The following ANKRD28 variants were observed in gnomAD, a reference collection of about 807,000 sequenced individuals.
The protein encoded by ANKRD28 is ankyrin repeat domain 28.
In ANKRD28, 44 loss-of-function variants were observed where a neutral mutation model predicts 126.5. The ratio of observed to expected loss-of-function variants is 0.35; its 90% CI spans 0.27 to 0.45. The LOEUF (loss-of-function observed/expected upper bound fraction) is 0.45, where lower values mean the gene tolerates loss of function less well. Ranked by LOEUF, ANKRD28 falls within the 20% of genes least tolerant of loss-of-function variation. ANKRD28 has a pLI of 1.00. For synonymous variants in ANKRD28, 442 were observed against 468.5 expected (o/e 0.94, Z 0.73); for missense variants, 1,110 against 1,316.6 (o/e 0.84, Z 2.43).
intron 27 of ANKRD28, 56 bp from the exon 28 acceptor site, chr3:15,670,612 G>C: frequency 1.3e-6 from 2 of 1,529,786 alleles, no homozygotes; most frequent in Non-Finnish European, 1.8e-6. Flanking sequence ...TTTCACCAAA[G>C]ACAAGGAAAT....
At chr3:15,714,424 T>G (rs2072735937) in intron 9 of ANKRD28, among the ~76,000 whole-genome samples, 154 bp downstream of exon 9, 1 of 151,848 alleles carries the variant, frequency 6.6e-6, no homozygotes, top group South Asian at 2.1e-4. Flanking sequence ...TTTTATACTC[T>G]TTAATATTTT....
chr3:15,701,575 C>T (rs575755870), intron 14 of ANKRD28, among the ~76,000 whole-genome samples: 38 of 151,996 alleles, frequency 2.5e-4, no homozygotes, highest in South Asian at 6.2e-4. Context: ...ACCCAGGAGG[C>T]GGAGGTTGCA....
Position 15,853,780 on chromosome 3 carries a change from G to C in ANKRD28, c.27+5597C>G, listed in dbSNP as rs993026774. Among the ~76,000 whole-genome samples the C allele has an allele frequency of 6.6e-6, 1 of 151,952 alleles. No homozygotes were observed. The highest frequency in any genetic ancestry group is 1.5e-5 in the Non-Finnish European group (1 of 67,974). On this transcript the variant is annotated intron_variant, in intron 1 of 27. Transcript: ENST00000399451. The surrounding 1 kb of genome is among the most constrained non-coding windows in gnomAD (Gnocchi z 4.2). ...CACCGCGCCCGGCCCTAAAATCAATGTTTAATTGTATTTTCATAATGTTGA... is the reference window on the plus strand; with the variant it reads ...CACCGCGCCCGGCCCTAAAATCAATCTTTAATTGTATTTTCATAATGTTGA...
chr3:15,735,790 T>C (rs780781704), intron 5 of ANKRD28, among the ~76,000 whole-genome samples: 9 of 152,314 alleles, frequency 5.9e-5, no homozygotes, highest in Non-Finnish European at 1.3e-4. Flanking sequence ...GACTGAAATA[T>C]TTAATAAGAG....
chr3:15,749,094 T>TG (rs2057683994), intron 4 of ANKRD28, among the ~76,000 whole-genome samples: 1 of 67,130 alleles, frequency 1.5e-5, no homozygotes, highest in South Asian at 6.6e-4. Flanking sequence ...TTCTATATTA[T>TG]GTTTTTGTTT....
intron 2 of ANKRD28, among the ~76,000 whole-genome samples, chr3:15,793,309 A>G (rs983222484): frequency 6.6e-6 from 1 of 152,214 alleles, no homozygotes; most frequent in African/African-American, 2.4e-5. Flanking sequence ...CTTGACTTTA[A>G]GGCAACACTC....
Position 15,751,770 on chromosome 3 carries a change from C to G in ANKRD28, c.331G>C (p.Ala111Pro). 6.3e-7 allele frequency: 1 copy of G among 1,588,508 alleles called. No homozygotes were observed. Among genetic ancestry groups the G allele is most frequent in the Non-Finnish European group, 8.6e-7 (1 of 1,167,008 alleles). The change falls in exon 4 of 28, where the codon GCA becomes CCA. Residue 111 changes from alanine (A) to proline (P), a missense_variant. Coordinates refer to ENST00000683139, the MANE Select transcript of ANKRD28 (RefSeq NM_001349278.2). Reference protein sequence around the residue: ...DSKWLTPLHRAVASCSEEAVQ... With the variant: ...DSKWLTPLHRPVASCSEEAVQ... ...CATACCTCACTACAAGATGCAACTGCTCTGTGTAAAGGTGTCAACCATTTG... is the reference window on the plus strand; with the variant it reads ...CATACCTCACTACAAGATGCAACTGGTCTGTGTAAAGGTGTCAACCATTTG...
rs143636497 is a variant in ANKRD28, at chr3:15,804,366, A to T, written c.28-9060T>A. Among the ~76,000 whole-genome samples the T allele has an allele frequency of 5.1e-3, 726 of 143,062 alleles. 104 individuals carry two copies. The highest frequency in any genetic ancestry group is 0.041 in the East Asian group (137 of 3,308). The allele number at this position is 143,062 out of a possible 152,430, so 93.9% of individuals were successfully genotyped here. A position where few individuals can be genotyped will look rare whatever the true frequency, so the allele number is the denominator to read the frequency against. ...GATACCTTCTAACTGTCCATTCTCT[A>T]AAAAAATGGATATTTTAATAAAACT... On this transcript the variant is annotated intron_variant, in intron 1 of 27. Coordinates refer to the ANKRD28 transcript ENST00000399451.
At chr3:15,727,587 A>AG (rs1553609263) in intron 6 of ANKRD28, among the ~76,000 whole-genome samples, 46 of 110,358 alleles carry the variant, frequency 4.2e-4, no homozygotes, top group African/African-American at 9.8e-4. Context: ...AAAAAAAAAA[A>AG]AAAGAAAGAA....
rs1455598240 is a variant in ANKRD28, at chr3:15,850,202, A to ATATATAT, written c.27+9174_27+9175insATATATA. On this transcript the variant is annotated intron_variant, in intron 1 of 27. Transcript: ENST00000399451. ...TATCTACATGCAATAAAAAAAAAAA[A>ATATATAT]AAATATATATATATATATATATAGA... is the stretch of plus-strand genomic sequence containing the variant. Among the ~76,000 whole-genome samples the ATATATAT allele has an allele frequency of 2.8e-3, 152 of 55,030 alleles. 3 individuals are homozygous for ATATATAT. The highest frequency in any genetic ancestry group is 9.7e-3 in the East Asian group (25 of 2,572). 36.1% of individuals were successfully genotyped at this position (55,030 alleles called of 152,430 possible). A position where few individuals can be genotyped will look rare whatever the true frequency, so the allele number is the denominator to read the frequency against.
intron 8 of ANKRD28, among the ~76,000 whole-genome samples, chr3:15,717,674 A>G (rs1389464229): frequency 6.6e-6 from 1 of 152,196 alleles, no homozygotes; most frequent in Non-Finnish European, 1.5e-5. Context: ...CATTTGGTGT[A>G]TTTTGCTTAG....
chr3:15,821,228 G>A (rs2060935273), intron 1 of ANKRD28, among the ~76,000 whole-genome samples: 2 of 152,140 alleles, frequency 1.3e-5, no homozygotes, highest in Non-Finnish European at 2.9e-5. Context: ...TTCTTAGAAT[G>A]GTGAGCTTAC....
chr3:15,672,304 C>T (rs193095838), intron 27 of ANKRD28, among the ~76,000 whole-genome samples: 19 of 152,110 alleles, frequency 1.2e-4, no homozygotes, highest in Non-Finnish European at 1.9e-4. Flanking sequence ...CCATGCCTGG[C>T]TAATTTTTAA....
At chr3:15,775,934 G>A (rs994970993) in intron 2 of ANKRD28, among the ~76,000 whole-genome samples, 1 of 152,110 alleles carries the variant, frequency 6.6e-6, no homozygotes, top group Admixed American at 6.6e-5. Flanking sequence ...GGGGTGGGGG[G>A]CTTGAAAAGT....
At chr3:15,787,118 A>C (rs1271516345) in intron 2 of ANKRD28, among the ~76,000 whole-genome samples, 1 of 152,142 alleles carries the variant, frequency 6.6e-6, no homozygotes, top group Non-Finnish European at 1.5e-5. Flanking sequence ...AGAATGAGGA[A>C]AGTCTCTATA....
intron 3 of ANKRD28, among the ~76,000 whole-genome samples, chr3:15,761,286 G>A (rs987794880): frequency 1.3e-5 from 2 of 152,124 alleles, no homozygotes; most frequent in Admixed American, 6.6e-5. Context: ...AACATGAAGT[G>A]TAAACACCTA....
rs78189554 is a variant in ANKRD28, at chr3:15,797,222, A to C, written c.-701T>G. On this transcript the variant is annotated 5_prime_UTR_variant, in exon 1 of 28. Transcript: ENST00000683139. ...AAAAAACAAAAACAAAAAAAAAAAA[A>C]CCACTCTGCATTAATAGCAAAGCTG... is the stretch of plus-strand genomic sequence containing the variant. 5 of 809,302 alleles carry C rather than the reference A, an allele frequency of 6.2e-6. No individual in the cohort carries two copies. Among genetic ancestry groups the C allele is most frequent in the Middle Eastern group, 6.1e-4 (1 of 1,648 alleles). 50.1% of individuals were successfully genotyped at this position (809,302 alleles called of 1,614,324 possible).
At chr3:15,718,168 G>T (rs1265559994) in intron 8 of ANKRD28, among the ~76,000 whole-genome samples, 2 of 152,198 alleles carry the variant, frequency 1.3e-5, no homozygotes, top group Admixed American at 6.5e-5. Flanking sequence ...CATATTGTGT[G>T]TAAGAGCTGG....
At chr3:15,734,125 A>G (rs1434562670) in intron 6 of ANKRD28, among the ~76,000 whole-genome samples, 1 of 152,210 alleles carries the variant, frequency 6.6e-6, no homozygotes, top group Admixed American at 6.5e-5. Flanking sequence ...ATACACGGAG[A>G]GCCAACTTTT....
Sources: gnomAD v4.1 joint callset for allele counts (sites outside exome capture counted in the v4.1 genomes callset) on GRCh38, gnomAD v4.1.1 for gene constraint, Gnocchi (gnomAD v3.1) non-coding constraint, MANE v1.5 for transcripts, NCBI Gene and HGNC (gene_info 2026-07-23, HGNC 2026-07-21) for gene names.